The following DGCR2 variants were observed in gnomAD, a reference collection of about 807,000 sequenced individuals.
DGCR2 encodes the protein integral membrane protein DGCR2/IDD.
Under a neutral mutation model 51.6 loss-of-function variants are expected in DGCR2, and 24 were observed. The observed-to-expected ratio is 0.47, with a 90% CI of 0.34 to 0.65. The LOEUF (loss-of-function observed/expected upper bound fraction) is 0.65. DGCR2 is among the 30% of genes least tolerant of loss of function. DGCR2 has a pLI of 0.01. For missense variants in DGCR2, 765 were observed against 772.1 expected (o/e 0.99, Z 0.11); for synonymous variants, 340 against 315.4 (o/e 1.08, Z -0.82).
chr22:19,056,935 T>G (rs1055514676), intron 6 of DGCR2, 51 bp downstream of exon 6: 1 of 1,495,692 alleles, frequency 6.7e-7, no homozygotes, highest in African/African-American at 1.4e-5. Flanking sequence ...TCCAACAAAG[T>G]GACACAAGGG....
At chr22:19,039,735 G>C (rs1274303003) in intron 9 of DGCR2, among the ~76,000 whole-genome samples, 1 of 151,946 alleles carries the variant, frequency 6.6e-6, no homozygotes, top group East Asian at 1.9e-4. Context: ...TTTCTTTTAA[G>C]AGACAGGATC....
intron 3 of DGCR2, 77 bp downstream of exon 3, chr22:19,068,023 C>G (rs1300972023): frequency 1.4e-6 from 2 of 1,471,762 alleles, no homozygotes; most frequent in East Asian, 2.4e-5. Flanking sequence ...TCACGCAGCA[C>G]AGTAGTGCTG....
intron 1 of DGCR2, among the ~76,000 whole-genome samples, chr22:19,114,062 G>GA (rs55948025): frequency 0.019 from 1,523 of 80,562 alleles, 24 homozygotes; most frequent in South Asian, 0.054. Context: ...TCCATTTGAG[G>GA]AAAAAAAAAA....
intron 2 of DGCR2, among the ~76,000 whole-genome samples, chr22:19,083,653 C>G (rs1313730466): frequency 1.3e-5 from 2 of 151,392 alleles, no homozygotes; most frequent in Non-Finnish European, 2.9e-5. Flanking sequence ...TGTTAATTCT[C>G]GTTTATATCA....
chr22:19,114,735 C>A (rs2083355712), intron 1 of DGCR2, among the ~76,000 whole-genome samples: 1 of 152,308 alleles, frequency 6.6e-6, no homozygotes, highest in Middle Eastern at 3.4e-3. Flanking sequence ...AGTGCCCTGG[C>A]CAGCCACAAA....
intron 6 of DGCR2, among the ~76,000 whole-genome samples, chr22:19,050,180 C>A (rs1005954267): frequency 1.3e-5 from 2 of 152,182 alleles, no homozygotes; most frequent in African/African-American, 4.8e-5. Context: ...ACTGACACAT[C>A]AGAGTGAAAA....
intron 1 of DGCR2, among the ~76,000 whole-genome samples, chr22:19,108,466 C>T (rs1202639717): frequency 2.0e-5 from 3 of 149,848 alleles, no homozygotes; most frequent in East Asian, 2.0e-4. Flanking sequence ...CCCAGCTACT[C>T]GGTGAGGGTG....
chr22:19,057,971 G>A lies in DGCR2; in HGVS notation c.626-809C>T, dbSNP rs544676105. On this transcript the variant is annotated intron_variant, in intron 5 of 9. Transcript: ENST00000263196. The surrounding 1 kb of genome is among the most constrained non-coding windows in gnomAD (Gnocchi z 5.1). Reference sequence around the variant, plus strand: ...TGCCAAGATTCCTTGAGGCTTACCCGACCAGGATCAATGGAAACACAAAGC... The same window carrying A: ...TGCCAAGATTCCTTGAGGCTTACCCAACCAGGATCAATGGAAACACAAAGC... 8.5e-5 allele frequency among the ~76,000 whole-genome samples: 13 copies of A among 152,200 alleles called. No homozygotes were observed. The East Asian group carries it at 1.2e-3, about 14-fold the overall frequency.
chr22:19,044,931 T>C (rs2871009), intron 7 of DGCR2, among the ~76,000 whole-genome samples: 62,780 of 152,084 alleles, frequency 0.41, 13,409 homozygotes, highest in African/African-American at 0.53. Flanking sequence ...GCTTATTTTT[T>C]CATTTCCTTA....
At chr22:19,105,401 G>A (rs578113047) in intron 1 of DGCR2, among the ~76,000 whole-genome samples, 10 of 152,262 alleles carry the variant, frequency 6.6e-5, no homozygotes, top group East Asian at 3.9e-4. Context: ...CATATTGCTC[G>A]GTGACCTTCT....
chr22:19,070,941 C>G (rs1484599336), intron 2 of DGCR2, among the ~76,000 whole-genome samples: 1 of 152,216 alleles, frequency 6.6e-6, no homozygotes, highest in African/African-American at 2.4e-5. Flanking sequence ...GGGGGAGAGT[C>G]TGGGGGCCAG....
intron 5 of DGCR2, among the ~76,000 whole-genome samples, chr22:19,059,397 T>C (rs1290217680): frequency 1.3e-5 from 2 of 151,938 alleles, no homozygotes; most frequent in Non-Finnish European, 2.9e-5. Context: ...GGCTTCCCGA[T>C]ACTGCACTGG....
chr22:19,100,475 C>G (rs1180915002), intron 1 of DGCR2, among the ~76,000 whole-genome samples: 1 of 151,898 alleles, frequency 6.6e-6, no homozygotes. Flanking sequence ...CCCATCCTGG[C>G]TAACATGGTG....
chr22:19,079,009 AGTCCTATTCAG>A (rs1220956615), intron 2 of DGCR2, among the ~76,000 whole-genome samples: 11 of 152,284 alleles, frequency 7.2e-5, no homozygotes, highest in South Asian at 6.2e-4. Flanking sequence ...TATTAATTAT[AGTCCTATTCAG>A]ATTTTCTATT....
intron 2 of DGCR2, among the ~76,000 whole-genome samples, chr22:19,076,280 C>A (rs948302289): frequency 2.0e-5 from 3 of 149,952 alleles, no homozygotes; most frequent in Admixed American, 2.0e-4. Context: ...CCTGCCTCAG[C>A]CTCCCAAGTA....
chr22:19,056,890 A>C (rs1168524628), intron 6 of DGCR2, 96 bp downstream of exon 6: 3 of 1,374,254 alleles, frequency 2.2e-6, no homozygotes, highest in South Asian at 1.5e-5. Context: ...CAACACTGCA[A>C]ATCAGGTTCT....
intron 9 of DGCR2, among the ~76,000 whole-genome samples, chr22:19,039,819 T>C (rs1350809386): frequency 6.6e-6 from 1 of 152,096 alleles, no homozygotes; most frequent in African/African-American, 2.4e-5. Context: ...GCTCAGGTGA[T>C]CCTCCATTCT....
intron 5 of DGCR2, among the ~76,000 whole-genome samples, chr22:19,059,559 T>A (rs1230545175): frequency 2.0e-5 from 3 of 152,030 alleles, no homozygotes; most frequent in Non-Finnish European, 2.9e-5. Flanking sequence ...TGGGAGCAGT[T>A]CCTCGTGCAG....
intron 1 of DGCR2, among the ~76,000 whole-genome samples, chr22:19,121,038 A>C (rs1241018737): frequency 1.3e-5 from 2 of 152,214 alleles, no homozygotes; most frequent in African/African-American, 4.8e-5. Context: ...TTCCACATAG[A>C]TGACACAAGC....
Sources: gnomAD v4.1 joint callset for allele counts (sites outside exome capture counted in the v4.1 genomes callset) on GRCh38, gnomAD v4.1.1 for gene constraint, Gnocchi (gnomAD v3.1) non-coding constraint, MANE v1.5 for transcripts, NCBI Gene and HGNC (gene_info 2026-07-23, HGNC 2026-07-21) for gene names.